KMT2D: variants seen among roughly 807,000 people sequenced by gnomAD.
KMT2D encodes the protein histone-lysine N-methyltransferase 2D.
In KMT2D, 55 loss-of-function variants were observed where a neutral mutation model predicts 512.7. The ratio of observed to expected loss-of-function variants is 0.11; its 90% confidence interval spans 0.09 to 0.13. The LOEUF is 0.13. Among genes scored for constraint, KMT2D ranks in the 10% least tolerant of loss-of-function variants. The pLI, the probability that KMT2D is intolerant of heterozygous loss-of-function variation, is 1.00. For missense variants in KMT2D, 6,061 were observed against 7,127.9 expected (o/e 0.85, Z 5.39); for synonymous variants, 2,995 against 2,904.0 (o/e 1.03, Z -1.01).
At position 49,034,633 on chromosome 12, in the gene KMT2D, C is replaced by A; in HGVS notation, c.10389G>T (p.Ser3463=). 1 of 1,613,576 alleles carries A rather than the reference C, an allele frequency of 6.2e-7. No individual in the cohort carries two copies. Residue 3463 remains serine (S), a synonymous_variant, in exon 37 of 55, where the codon TCG becomes TCT. Transcript: ENST00000301067. ...QQVSLLAQRL[S]GGPSSDLQNH... ...TCTGCAGATCACTGCTAGGTCCCCC[C>A]GAGAGCCTCTGGGCTAGCAGAGACA...
Position 49,020,487 on chromosome 12 carries a change from G to T in KMT2D, c.*1293C>A. On this transcript the variant is annotated 3_prime_UTR_variant, in exon 55 of 55. Transcript: ENST00000301067. ...TTTACATTTGCTCTCCCCGGGGGGTGGGGGGAGAGGGGAGGGTTCTCACCT... is the reference window on the plus strand; with the variant it reads ...TTTACATTTGCTCTCCCCGGGGGGTTGGGGGAGAGGGGAGGGTTCTCACCT... 2 of 198,338 alleles carry T rather than the reference G, an allele frequency of 1.0e-5. No individual in the cohort carries two copies. Among genetic ancestry groups the T allele is most frequent in the East Asian group, 1.5e-4 (2 of 13,078 alleles). 12.3% of individuals were successfully genotyped at this position (198,338 alleles called of 1,614,324 possible).
Position 49,038,680 on chromosome 12 carries a change from G to T in KMT2D, c.8676C>A (p.Gly2892=), listed in dbSNP as rs1380075853. 6.2e-7 allele frequency: 1 copy of T among 1,612,528 alleles called. No homozygotes were observed. The highest frequency in any genetic ancestry group is 8.5e-7 in the Non-Finnish European group (1 of 1,179,664). ...HNVQKGLGPG[G]TPFPGQGPPQ... ...GTGGGCCCTGACCAGGAAACGGAGTGCCCCCAGGTCCCAGTCCTTTCTGTA... is the reference window on the plus strand; with the variant it reads ...GTGGGCCCTGACCAGGAAACGGAGTTCCCCCAGGTCCCAGTCCTTTCTGTA... Residue 2892 remains glycine (G), a synonymous_variant, in exon 35 of 55, where the codon GGC becomes GGA. Transcript: ENST00000301067. This position sits in a 1 kb window ranked among gnomAD's most constrained non-coding sequence, Gnocchi z 5.7.
rs1029985864 is a variant in KMT2D, at chr12:49,042,261, G to C, written c.5937C>G (p.Thr1979=). 4 of 1,579,994 alleles carry C rather than the reference G, an allele frequency of 2.5e-6. No homozygotes were observed. In the African/African-American group the frequency reaches 5.4e-5, roughly 21 times the overall value. Residue 1979 remains threonine, a synonymous_variant, in exon 29 of 55, where the codon ACC becomes ACG. Coordinates refer to ENST00000301067, the MANE Select transcript of KMT2D (RefSeq NM_003482.4). This position sits in a 1 kb window ranked among gnomAD's most constrained non-coding sequence, Gnocchi z 4.4. ...TGGGGGTTGTGGGGGTGGAGGGCGT[G>C]GTGCCACCTGAGCCCGTCCAGGGGC... ...PDSPWTGSGG[T]TPSTPTTPTT...
At position 49,026,609 on chromosome 12, in the gene KMT2D, G is replaced by C. The variant is rs2120360763; in HGVS notation, c.15357C>G (p.Ile5119Met). ...CPNVYHFACA[I>M]RAKCMFFKDK... ...CCTTGAAGAACATGCACTTGGCACG[G>C]ATGGCACAAGCAAAATGGTAGACAT... The change falls in exon 49 of 55, where the codon ATC becomes ATG. Residue 5119 changes from isoleucine (I) to methionine (M), a missense_variant. Ile to Met is a conservative substitution (Grantham distance 10, BLOSUM62 1). Transcript: ENST00000301067. This position sits in a 1 kb window ranked among gnomAD's most constrained non-coding sequence, Gnocchi z 9.6. The C allele has an allele frequency of 6.2e-7, 1 of 1,614,036 alleles. No homozygotes were observed. Among genetic ancestry groups the C allele is most frequent in the Non-Finnish European group, 8.5e-7 (1 of 1,179,898 alleles).
chr12:49,023,935 T>G (rs1322173868), intron 51 of KMT2D: 2 of 390,148 alleles, frequency 5.1e-6, no homozygotes, highest in Non-Finnish European at 1.0e-5. Context: ...AACAAGGACC[T>G]GCAGTGAAGA....
chr12:49,038,026 G>A lies in KMT2D; in HGVS notation c.9330C>T (p.Arg3110=), dbSNP rs1943310486. The change falls in exon 35 of 55, where the codon CGC becomes CGT. Residue 3110 remains arginine (R), a synonymous_variant. Coordinates refer to ENST00000301067, the MANE Select transcript of KMT2D (RefSeq NM_003482.4). The surrounding 1 kb of genome is among the most constrained non-coding windows in gnomAD (Gnocchi z 5.7). The stretch of plus-strand genomic sequence containing the variant: ...TCACCTCAGGGAGCACAGATGCCAG[G>A]CGGGGTTCAGAGGCATCAGCAGCAG... ...PPPAADASEP[R]LASVLPEVKP... The A allele has an allele frequency of 1.2e-6, 2 of 1,609,326 alleles. No individual in the cohort carries two copies. The highest frequency in any genetic ancestry group is 1.7e-6 in the Non-Finnish European group (2 of 1,178,046).
In KMT2D at chr12:49,019,309, G is replaced by GA. The variant is rs1203256241; in HGVS notation, c.*2470dup. 5 of 240,772 alleles carry GA rather than the reference G, an allele frequency of 2.1e-5. No homozygotes were observed. Among genetic ancestry groups the GA allele is most frequent in the Non-Finnish European group, 3.0e-5 (5 of 165,244 alleles). The allele number at this position is 240,772 out of a possible 1,614,324, so 14.9% of individuals were successfully genotyped here. On this transcript the variant is annotated 3_prime_UTR_variant, in exon 55 of 55. Transcript: ENST00000301067. ...GGTGAGGGGAGAAGACTGTAAAGGG[G>GA]AAAACTGAAAACTGAGTATGTGCGA...
Position 49,042,907 on chromosome 12 carries a change from G to A in KMT2D, c.5645-29C>T. On this transcript the variant is annotated intron_variant, in intron 26 of 54. Coordinates refer to ENST00000301067, the MANE Select transcript of KMT2D (RefSeq NM_003482.4). The surrounding 1 kb of genome is among the most constrained non-coding windows in gnomAD (Gnocchi z 4.4). ...TGGGGGAATGAAGGACACTGTTGAGGAAGACTGGGAAGTTCAGGTGACACC... is the reference window on the plus strand; with the variant it reads ...TGGGGGAATGAAGGACACTGTTGAGAAAGACTGGGAAGTTCAGGTGACACC... The A allele has an allele frequency of 6.2e-6, 10 of 1,612,930 alleles. No homozygotes were observed. The highest frequency in any genetic ancestry group is 1.1e-5 in the South Asian group (1 of 91,022).
chr12:49,049,050 C>T (rs1244113113), intron 13 of KMT2D, 55 bp downstream of exon 13: 1 of 1,125,182 alleles, frequency 8.9e-7, no homozygotes, highest in South Asian at 1.3e-5. Flanking sequence ...TGGCAGGACT[C>T]AGAGGGTGCT....
Position 49,038,674 on chromosome 12 carries a change from C to T in KMT2D, c.8682G>A (p.Pro2894=), listed in dbSNP as rs747173482. The T allele has an allele frequency of 7.4e-6, 12 of 1,612,734 alleles. No individual in the cohort carries two copies. The Admixed American group carries it at 1.3e-4, about 18-fold the overall frequency. Residue 2894 remains proline, a synonymous_variant, in exon 35 of 55, where the codon CCG becomes CCA. Coordinates refer to ENST00000301067, the MANE Select transcript of KMT2D (RefSeq NM_003482.4). This position sits in a 1 kb window ranked among gnomAD's most constrained non-coding sequence, Gnocchi z 5.7. ...TCTGAGGTGGGCCCTGACCAGGAAA[C>T]GGAGTGCCCCCAGGTCCCAGTCCTT... The part of the protein sequence containing the change: ...VQKGLGPGGT[P]FPGQGPPQRP...
rs1355578039 is a variant in KMT2D, at chr12:49,055,340, G to A, written c.-16C>T. On this transcript the variant is annotated 5_prime_UTR_variant, in exon 2 of 55. Transcript: ENST00000301067. The stretch of plus-strand genomic sequence containing the variant: ...GGCTGTCCATCCCTCTCTCCGACTG[G>A]GCAGGGCCCTCTCGGGGAGACCTGT... 2 of 1,613,318 alleles carry A rather than the reference G, an allele frequency of 1.2e-6. No homozygotes were observed. The highest frequency in any genetic ancestry group is 8.5e-7 in the Non-Finnish European group (1 of 1,179,500).
At chr12:49,055,148 G>A in intron 2 of KMT2D, 122 bp from the exon 3 acceptor site, 4 of 1,546,702 alleles carry the variant, frequency 2.6e-6, no homozygotes, top group Non-Finnish European at 2.7e-6. Context: ...TTCAACTGTT[G>A]TCCCAAAGAA....
rs2120703276 is a variant in KMT2D at position 49,054,009 on chromosome 12, G to A, written c.642C>T (p.Cys214=). The A allele has an allele frequency of 6.2e-7, 1 of 1,613,950 alleles. No homozygotes were observed. The highest frequency in any genetic ancestry group is 8.5e-7 in the Non-Finnish European group (1 of 1,179,890). The stretch of plus-strand genomic sequence containing the variant: ...ATGCAGCCCCCTCACTGTGCTCTGG[G>A]CATAGCAGCTGCAGTGTTTTCATGG... ...FLSMKTLQLL[C]PEHSEGAAYL... The change falls in exon 6 of 55, where the codon TGC becomes TGT. Residue 214 remains cysteine, a synonymous_variant. Transcript: ENST00000301067. The surrounding 1 kb of genome is among the most constrained non-coding windows in gnomAD (Gnocchi z 6.4).
At position 49,044,377 on chromosome 12, in the gene KMT2D, C is replaced by T. The variant is rs372310483; in HGVS notation, c.5083+26G>A. 2 of 1,613,914 alleles carry T rather than the reference C, an allele frequency of 1.2e-6. No homozygotes were observed. The highest frequency in any genetic ancestry group is 1.1e-5 in the South Asian group (1 of 91,084). On this transcript the variant is annotated intron_variant, in intron 21 of 54. Coordinates refer to ENST00000301067, the MANE Select transcript of KMT2D (RefSeq NM_003482.4). The surrounding 1 kb of genome is among the most constrained non-coding windows in gnomAD (Gnocchi z 6.4). ...GAGCTGCCCCGCACCACCCCACCAC[C>T]CCACAACCCCATCCCAGGACCTCAC... is the stretch of plus-strand genomic sequence containing the variant.
Position 49,048,067 on chromosome 12 carries a change from G to A in KMT2D, c.4134C>T (p.Asp1378=). The A allele has an allele frequency of 2.5e-6, 4 of 1,596,830 alleles. 1 individual carries two copies. Among genetic ancestry groups the A allele is most frequent in the African/African-American group, 2.7e-5 (2 of 74,758 alleles). ...SNTDKFVLMQ[D]MCVVCGSFGR... ...CAAAGCTGCCACATACCACACACAT[G>A]TCCTGGGGAAACACAGAGAAACCCA... Residue 1378 remains aspartate, a splice_region_variant and synonymous_variant, in exon 15 of 55, where the codon GAC becomes GAT. Transcript: ENST00000301067.
intron 10 of KMT2D, 49 bp from the exon 11 acceptor site, chr12:49,052,473 C>T (rs2120688205): frequency 1.3e-6 from 2 of 1,557,422 alleles, no homozygotes; most frequent in Non-Finnish European, 1.7e-6. Context: ...ATCTACTCCA[C>T]AGAAAGTGTG....
At position 49,051,149 on chromosome 12, in the gene KMT2D, CG is replaced by C. The variant is rs767415197; in HGVS notation, c.2533del (p.Arg845GlyfsTer85). 1.1e-5 allele frequency: 16 copies of C among 1,508,438 alleles called. No individual in the cohort carries two copies. The highest frequency in any genetic ancestry group is 2.7e-5 in the South Asian group (2 of 74,648). The allele number at this position is 1,508,438 out of a possible 1,614,324, so 93.4% of individuals were successfully genotyped here. A position where few individuals can be genotyped will look rare whatever the true frequency, so the allele number is the denominator to read the frequency against. ...PQSEEPCLSP[R>X]PEESHLSPEL... is the part of the protein sequence containing the mutation. ...AGGGGACAGATGCGATTCCTCAGGC[CG>C]GGGGGACAGGCATGGCTCCTCAGAC... On this transcript the variant is annotated frameshift_variant, in exon 11 of 55. Coordinates refer to ENST00000301067, the MANE Select transcript of KMT2D (RefSeq NM_003482.4). LOFTEE classifies it high-confidence loss of function.
chr12:49,046,220 T>C lies in KMT2D; in HGVS notation c.4583+40A>G. The C allele has an allele frequency of 1.1e-5, 18 of 1,613,600 alleles. No individual in the cohort carries two copies. Among genetic ancestry groups the C allele is most frequent in the Non-Finnish European group, 1.4e-5 (17 of 1,179,676 alleles). On this transcript the variant is annotated intron_variant, in intron 17 of 54. Coordinates refer to ENST00000301067, the MANE Select transcript of KMT2D (RefSeq NM_003482.4). This position sits in a 1 kb window ranked among gnomAD's most constrained non-coding sequence, Gnocchi z 4.2. Reference sequence around the variant, plus strand: ...GAAATAAGCTCAGGCAATGCGAGGCTGGCAACAGGGCCAAAGTGAGGAGAA... The same window carrying C: ...GAAATAAGCTCAGGCAATGCGAGGCCGGCAACAGGGCCAAAGTGAGGAGAA...
At position 49,024,799 on chromosome 12, in the gene KMT2D, C is replaced by G. The variant is rs2137711262; in HGVS notation, c.15921+11G>C. On this transcript the variant is annotated intron_variant, in intron 50 of 54. Coordinates refer to ENST00000301067, the MANE Select transcript of KMT2D (RefSeq NM_003482.4). This position sits in a 1 kb window ranked among gnomAD's most constrained non-coding sequence, Gnocchi z 4.5. ...CCCGCCAAGCCCCCCAGCTCCCAGCCCCTTCCTTACTGATTCAGCTATGCG... is the reference window on the plus strand; with the variant it reads ...CCCGCCAAGCCCCCCAGCTCCCAGCGCCTTCCTTACTGATTCAGCTATGCG... 1 of 1,611,666 alleles carries G rather than the reference C, an allele frequency of 6.2e-7. No homozygotes were observed. The highest frequency in any genetic ancestry group is 8.5e-7 in the Non-Finnish European group (1 of 1,178,278).
Sources: allele counts gnomAD v4.1 joint callset, GRCh38; gene constraint gnomAD v4.1.1; non-coding constraint Gnocchi (gnomAD v3.1); transcripts MANE v1.5; gene names NCBI Gene and HGNC (gene_info 2026-07-23, HGNC 2026-07-21).